Variants in PSG3 observed in about 807,000 individuals in gnomAD.
PSG3 encodes pregnancy specific beta-1-glycoprotein 3.
PSG3 carries 61 observed loss-of-function variants against 47.5 expected under a neutral mutation model. That is an observed-to-expected ratio of 1.28 (90% CI 1.05 to 1.59). The LOEUF (loss-of-function observed/expected upper bound fraction) is 1.59, where lower values mean the gene tolerates loss of function less well. PSG3 is among the 40% of genes most tolerant of loss of function. The pLI is 0.00. For missense variants in PSG3, 756 were observed against 524.0 expected (o/e 1.44, Z -4.32); for synonymous variants, 263 against 198.4 (o/e 1.33, Z -2.74).
Position 42,740,344 on chromosome 19 carries a change from G to T in PSG3, c.41C>A (p.Thr14Asn), listed in dbSNP as rs754739881. Reference protein sequence around the residue: ...LSAPPCTQRITWKGLLLTALL... With the variant: ...LSAPPCTQRINWKGLLLTALL... ...ACCTGTGAGCAGGAGCCCCTTCCAG[G>T]TGATGCGCTGTGTGCAGGGAGGGGC... Residue 14 changes from threonine to asparagine, a missense_variant, in exon 1 of 7, where the codon ACC becomes AAC. Thr to Asn is a moderately conservative substitution (Grantham distance 65). Coordinates refer to ENST00000327495, the MANE Select transcript of PSG3 (RefSeq NM_021016.4). The T allele has an allele frequency of 9.9e-5, 160 of 1,613,832 alleles. 2 individuals carry two copies. The highest frequency in any genetic ancestry group is 2.2e-4 in the South Asian group (20 of 91,072).
At chr19:42,740,006 G>A (rs188541352) in intron 1 of PSG3, among the ~76,000 whole-genome samples, 1 of 150,870 alleles carries the variant, frequency 6.6e-6, no homozygotes, top group Non-Finnish European at 1.5e-5. Context: ...AGGCTGGCGT[G>A]CAGTGGCACT....
chr19:42,730,455 G>C (rs933582511), intron 3 of PSG3, among the ~76,000 whole-genome samples: 2 of 152,184 alleles, frequency 1.3e-5, no homozygotes, highest in African/African-American at 4.8e-5. Flanking sequence ...CCATAGATGT[G>C]ATTTCTCTGC....
intron 6 of PSG3, among the ~76,000 whole-genome samples, chr19:42,722,720 C>T (rs576452393): frequency 1.3e-5 from 2 of 151,836 alleles, no homozygotes; most frequent in South Asian, 4.2e-4. Flanking sequence ...TTGGTGTAGC[C>T]CATTCATAAA....
At chr19:42,730,227 A>T (rs1380561111) in intron 3 of PSG3, among the ~76,000 whole-genome samples, 171 bp from the exon 4 acceptor site, 1 of 152,152 alleles carries the variant, frequency 6.6e-6, no homozygotes, top group Non-Finnish European at 1.5e-5. Flanking sequence ...GGGCTCAAAG[A>T]CTGTGAGGCC....
At chr19:42,734,041 A>G (rs1392890872) in intron 2 of PSG3, 1 of 152,160 alleles carries the variant, frequency 6.6e-6, no homozygotes, top group Non-Finnish European at 1.5e-5. Context: ...TGACTACTCT[A>G]TGTACCTGAT....
intron 5 of PSG3, among the ~76,000 whole-genome samples, chr19:42,726,654 G>A (rs1839490513): frequency 6.6e-6 from 1 of 152,132 alleles, no homozygotes; most frequent in Admixed American, 6.5e-5. Flanking sequence ...TCAATAAATT[G>A]AAAGACATTT....
rs1969655625 is a variant in PSG3 at position 42,740,465 on chromosome 19, C to T, written c.-81G>A. The T allele has an allele frequency of 1.2e-6, 2 of 1,611,550 alleles. No individual in the cohort carries two copies. Among genetic ancestry groups the T allele is most frequent in the Non-Finnish European group, 1.7e-6 (2 of 1,178,956 alleles). On this transcript the variant is annotated 5_prime_UTR_variant, in exon 1 of 7. Coordinates refer to ENST00000327495, the MANE Select transcript of PSG3 (RefSeq NM_021016.4). ...TTCCTGAGCATGGCTCTCAGCTGTGCTGTCCTTCCTCCTTCTGCGCTGAGC... is the reference window on the plus strand; with the variant it reads ...TTCCTGAGCATGGCTCTCAGCTGTGTTGTCCTTCCTCCTTCTGCGCTGAGC...
intron 2 of PSG3, among the ~76,000 whole-genome samples, chr19:42,737,346 T>C (rs761157838): frequency 5.9e-5 from 9 of 152,234 alleles, no homozygotes; most frequent in East Asian, 1.9e-4. Flanking sequence ...TCATTCCATT[T>C]CTTCATTTGT....
Position 42,721,926 on chromosome 19 carries a change from C to A in PSG3, c.*205G>T. The A allele has an allele frequency of 7.2e-6, 3 of 415,232 alleles. No individual in the cohort carries two copies. Among genetic ancestry groups the A allele is most frequent in the South Asian group, 1.3e-4 (1 of 7,920 alleles). The allele number at this position is 415,232 out of a possible 1,614,324, so 25.7% of individuals were successfully genotyped here. A position where few individuals can be genotyped will look rare whatever the true frequency, so the allele number is the denominator to read the frequency against. On this transcript the variant is annotated 3_prime_UTR_variant, in exon 7 of 7. Coordinates refer to ENST00000327495, the MANE Select transcript of PSG3 (RefSeq NM_021016.4). ...GAATTTCATGAAGTATCAGCCTGTT[C>A]ATTAAAATTTTGAAAGTTCTTAGTC...
At position 42,730,883 on chromosome 19, in the gene PSG3, C is replaced by G. The variant is rs149293707; in HGVS notation, c.710-827G>C. Among the ~76,000 whole-genome samples, 1,012 of 152,330 alleles carry G rather than the reference C, an allele frequency of 6.6e-3. 16 individuals are homozygous for G. The highest frequency in any genetic ancestry group is 0.024 in the African/African-American group (980 of 41,582). On this transcript the variant is annotated intron_variant, in intron 3 of 6. Transcript: ENST00000327495. ...CATGTGGACATTTGCAAATGCAGCA[C>G]TGACTGGTGGAAAGGGTGGGAATGA...
At chr19:42,739,149 T>G (rs1324487750) in intron 1 of PSG3, 60 bp from the exon 2 acceptor site, 11 of 1,536,560 alleles carry the variant, frequency 7.2e-6, no homozygotes, top group African/African-American at 2.8e-5. Context: ...TGAAAAGATG[T>G]GGCCCTGGGT....
chr19:42,729,282 C>T lies in PSG3; in HGVS notation c.1084G>A (p.Ala362Thr), dbSNP rs746041304. The T allele has an allele frequency of 3.1e-6, 5 of 1,614,012 alleles. No individual in the cohort carries two copies. The Admixed American group carries it at 8.3e-5, about 27-fold the overall frequency. The change falls in exon 5 of 7, where the codon GCA becomes ACA. Residue 362 changes from alanine (A) to threonine (T), a missense_variant. Transcript: ENST00000327495. ...LSCFADSNPP[A>T]EYSWTINGKF... ...CCATTAATTGTCCAAGAATATTCTG[C>T]TGGTGGGTTAGAGTCCGCGAAGCAG...
chr19:42,737,098 G>A (rs1161805181), intron 2 of PSG3, among the ~76,000 whole-genome samples: 1 of 152,084 alleles, frequency 6.6e-6, no homozygotes, highest in Non-Finnish European at 1.5e-5. Context: ...TGACTTCAGA[G>A]ACCCCAGGGA....
intron 2 of PSG3, among the ~76,000 whole-genome samples, chr19:42,736,364 C>A (rs191400801): frequency 1.2e-4 from 19 of 152,222 alleles, no homozygotes; most frequent in South Asian, 2.1e-4. Context: ...TGGCTCAGCC[C>A]GTCATGTGGT....
intron 2 of PSG3, among the ~76,000 whole-genome samples, chr19:42,737,155 C>T (rs780546679): frequency 6.6e-6 from 1 of 151,984 alleles, no homozygotes; most frequent in Admixed American, 6.6e-5. Context: ...GCCCTGAGAA[C>T]CCTCCGGTGG....
chr19:42,739,042 T>A lies in PSG3; in HGVS notation c.112A>T (p.Ile38Phe). The A allele has an allele frequency of 1.2e-6, 2 of 1,613,218 alleles. No homozygotes were observed. The highest frequency in any genetic ancestry group is 1.7e-6 in the Non-Finnish European group (2 of 1,179,304). ...WNLPTTAQVT[I>F]EAEPTKVSKG... The stretch of plus-strand genomic sequence containing the variant: ...GAAACTTTGGTTGGCTCGGCTTCAA[T>A]CGTGACTTGGGCAGTGGTAGGCAAG... The change falls in exon 2 of 7, where the codon ATT becomes TTT. Residue 38 changes from isoleucine (I) to phenylalanine (F), a missense_variant. Ile to Phe is a conservative substitution (Grantham distance 21). Coordinates refer to ENST00000327495, the MANE Select transcript of PSG3 (RefSeq NM_021016.4).
At chr19:42,736,264 C>T (rs572952904) in intron 2 of PSG3, among the ~76,000 whole-genome samples, 29 of 152,296 alleles carry the variant, frequency 1.9e-4, no homozygotes, top group African/African-American at 6.7e-4. Flanking sequence ...GATAACATCA[C>T]TATTGTAGAA....
chr19:42,729,504 A>G (rs191937514), intron 4 of PSG3, 127 bp from the exon 5 acceptor site: 4 of 1,491,812 alleles, frequency 2.7e-6, no homozygotes, highest in Admixed American at 4.4e-5. Context: ...AACCCCCTCT[A>G]TGTTCACTGA....
chr19:42,740,439 C>G lies in PSG3; in HGVS notation c.-55G>C, dbSNP rs1969654725. 1 of 1,613,512 alleles carries G rather than the reference C, an allele frequency of 6.2e-7. No individual in the cohort carries two copies. The highest frequency in any genetic ancestry group is 1.7e-5 in the Admixed American group (1 of 59,978). ...TGGAGCTGAGCCTAGGATCCAGAAACTTCCTGAGCATGGCTCTCAGCTGTG... is the reference window on the plus strand; with the variant it reads ...TGGAGCTGAGCCTAGGATCCAGAAAGTTCCTGAGCATGGCTCTCAGCTGTG... On this transcript the variant is annotated 5_prime_UTR_variant, in exon 1 of 7. Transcript: ENST00000327495.
Sources: gnomAD v4.1 joint callset for allele counts (sites outside exome capture counted in the v4.1 genomes callset) on GRCh38, gnomAD v4.1.1 for gene constraint, MANE v1.5 for transcripts, NCBI Gene and HGNC (gene_info 2026-07-23, HGNC 2026-07-21) for gene names.